The following TMEM255A variants were observed in gnomAD, a reference collection of about 807,000 sequenced individuals.
TMEM255A encodes family with sequence similarity 70, member A.
In TMEM255A, 14 loss-of-function variants were observed where a neutral mutation model predicts 23.5. The ratio of observed to expected loss-of-function variants is 0.60; its 90% CI spans 0.39 to 0.93. The LOEUF (loss-of-function observed/expected upper bound fraction) is 0.93, where lower values mean the gene tolerates loss of function less well. Ranked by LOEUF, TMEM255A falls within the 40% of genes least tolerant of loss-of-function variation. The probability of loss-of-function intolerance (pLI) is 0.00; values close to 1 mark genes in which losing one functional copy is unlikely to be tolerated. For missense variants in TMEM255A, 233 were observed against 261.7 expected (o/e 0.89, Z 0.76); for synonymous variants, 104 against 100.3 (o/e 1.04, Z -0.22).
downstream of TMEM255A, chrX:120,255,397 G>C: frequency 8.3e-7 from 1 of 1,208,583 alleles, no homozygotes; most frequent in Non-Finnish European, 1.1e-6. Context: ...ACAGATGGCA[G>C]TACTGAGTTT....
At chrX:120,301,438 T>C (rs2058033063) in intron 2 of TMEM255A, among the ~76,000 whole-genome samples, 1 of 112,144 alleles carries the variant, frequency 8.9e-6, no homozygotes, top group South Asian at 3.7e-4. Context: ...TATACATTAG[T>C]AATTTATATT....
At chrX:120,311,154 G>A in intron 1 of TMEM255A, 98 bp downstream of exon 1, 1 of 817,025 alleles carries the variant, frequency 1.2e-6, no homozygotes, top group Non-Finnish European at 1.8e-6. Flanking sequence ...CCCGTTTCCC[G>A]CTCTCCGGCT....
chrX:120,263,620 G>A (rs2057695137), intron 8 of TMEM255A, among the ~76,000 whole-genome samples: 1 of 111,632 alleles, frequency 9.0e-6, no homozygotes, highest in African/African-American at 3.3e-5. Flanking sequence ...ACTAGTTAAA[G>A]ACACTGTGTC....
intron 1 of TMEM255A, among the ~76,000 whole-genome samples, chrX:120,308,780 T>TG (rs1374649736): frequency 9.0e-6 from 1 of 111,476 alleles, no homozygotes; most frequent in African/African-American, 3.3e-5. Flanking sequence ...TGGGAGGGGA[T>TG]GGGGGGACAC....
Position 120,268,287 on chromosome X carries a change from T to C in TMEM255A, c.776A>G (p.His259Arg), listed in dbSNP as rs1556017950. ...PQVASYNTYYHSPPHLPPYSA... is the reference protein window; with the variant it reads ...PQVASYNTYYRSPPHLPPYSA... ...ATATGGTGGCAGGTGAGGAGGGCTA[T>C]GGTAGTAGGTATTGTAGGATGCCAC... The change falls in exon 8 of 9, where the codon CAT (histidine) becomes CGT (arginine). Residue 259 changes from histidine (H) to arginine (R), a missense_variant. His to Arg is a conservative substitution (Grantham distance 29). Transcript: ENST00000371369. The C allele has an allele frequency of 1.7e-6, 2 of 1,209,459 alleles. No homozygotes were observed. The highest frequency in any genetic ancestry group is 2.3e-4 in the Middle Eastern group (1 of 4,348).
chrX:120,287,249 G>A, intron 4 of TMEM255A, 27 bp from the exon 5 acceptor site: 1 of 1,165,376 alleles, frequency 8.6e-7, no homozygotes, highest in East Asian at 3.1e-5. Context: ...CAAAACAAAG[G>A]GGTTTTGACT....
intron 5 of TMEM255A, among the ~76,000 whole-genome samples, 159 bp downstream of exon 5, chrX:120,286,995 T>C (rs2057879907): frequency 8.9e-6 from 1 of 111,771 alleles, no homozygotes; most frequent in Admixed American, 9.5e-5. Flanking sequence ...CCTATGACCA[T>C]GGCCTCATTA....
At position 120,277,046 on chromosome X, in the gene TMEM255A, G is replaced by T. The variant is rs782218729; in HGVS notation, c.514C>A (p.Arg172=). 8.3e-7 allele frequency: 1 copy of T among 1,205,447 alleles called. No homozygotes were observed. The highest frequency in any genetic ancestry group is 1.1e-6 in the Non-Finnish European group (1 of 891,803). Residue 172 remains arginine, a splice_region_variant and synonymous_variant, in exon 7 of 9, where the codon CGG becomes AGG. Coordinates refer to ENST00000371369, the MANE Select transcript of TMEM255A (RefSeq NM_001104544.3). ...TAGTACCCACCAGTGATCTCCACCCGGCTGGACAGGGAGGAGCATGCTCCA... is the reference window on the plus strand; with the variant it reads ...TAGTACCCACCAGTGATCTCCACCCTGCTGGACAGGGAGGAGCATGCTCCA... ...FCCDLYNCGN[R]VEITGGYYEY...
chrX:120,303,839 T>C (rs1304449355), intron 2 of TMEM255A, among the ~76,000 whole-genome samples: 6 of 111,722 alleles, frequency 5.4e-5, no homozygotes, highest in South Asian at 3.7e-4. Context: ...ATAAGTTTTA[T>C]GAACATGTAT....
intron 7 of TMEM255A, among the ~76,000 whole-genome samples, chrX:120,271,457 C>A (rs1332085575): frequency 8.9e-6 from 1 of 111,905 alleles, no homozygotes; most frequent in Non-Finnish European, 1.9e-5. Context: ...AAGCACTTTG[C>A]AGAGGGTTAG....
chrX:120,304,891 A>G (rs1197310574), intron 1 of TMEM255A, among the ~76,000 whole-genome samples: 1 of 111,836 alleles, frequency 8.9e-6, no homozygotes, highest in Non-Finnish European at 1.9e-5. Context: ...AAAACATTTT[A>G]AAGCCAATAT....
chrX:120,288,097 G>A (rs1353150537), intron 4 of TMEM255A, among the ~76,000 whole-genome samples: 1 of 111,584 alleles, frequency 9.0e-6, no homozygotes, highest in Non-Finnish European at 1.9e-5. Context: ...ATTGACCTTG[G>A]GGTTTGGCAG....
chrX:120,285,958 C>T, intron 5 of TMEM255A: 2 of 1,132,911 alleles, frequency 1.8e-6, no homozygotes, highest in Non-Finnish European at 2.4e-6. Context: ...CTAAATTTGT[C>T]TTGCTTTGTT....
chrX:120,297,232 T>C (rs1173513032), intron 2 of TMEM255A, among the ~76,000 whole-genome samples: 1 of 81,110 alleles, frequency 1.2e-5, no homozygotes, highest in East Asian at 3.6e-4. Context: ...GCCCAATTCC[T>C]TAACCACTCT....
chrX:120,274,424 A>AT (rs1401489861), intron 7 of TMEM255A, among the ~76,000 whole-genome samples: 2 of 111,555 alleles, frequency 1.8e-5, no homozygotes, highest in East Asian at 2.8e-4. Flanking sequence ...TTCCACCTCA[A>AT]TTTTTTTTAA....
chrX:120,288,417 T>G (rs998343791), intron 4 of TMEM255A, among the ~76,000 whole-genome samples: 2 of 112,267 alleles, frequency 1.8e-5, no homozygotes, highest in Admixed American at 1.9e-4. Flanking sequence ...CTGGAAGGGC[T>G]TATTGTCCAT....
rs965843332 is a variant in TMEM255A at position 120,261,086 on chromosome X, T to G, written c.820-58A>C. ...AGTGAGTTTGCAATTCCCTGAACAG[T>G]CATTACTATTTAAAAATGAATATGG... On this transcript the variant is annotated intron_variant, in intron 8 of 8. Transcript: ENST00000371369. 53 of 1,141,238 alleles carry G rather than the reference T, an allele frequency of 4.6e-5. No individual in the cohort carries two copies. The East Asian group carries it at 8.4e-4, about 18-fold the overall frequency. The allele number at this position is 1,141,238 out of a possible 1,213,427, so 94.1% of individuals were successfully genotyped here. A position where few individuals can be genotyped will look rare whatever the true frequency, so the allele number is the denominator to read the frequency against.
chrX:120,298,234 C>T lies in TMEM255A; in HGVS notation c.202-4183G>A, dbSNP rs2058010237. ...TAGGACAAAGGCTAAAAAAATTAGTCATTAGGTAAATATTAATTGGACATC... is the reference window on the plus strand; with the variant it reads ...TAGGACAAAGGCTAAAAAAATTAGTTATTAGGTAAATATTAATTGGACATC... On this transcript the variant is annotated intron_variant, in intron 2 of 8. Transcript: ENST00000371369. 1.8e-5 allele frequency among the ~76,000 whole-genome samples: 2 copies of T among 110,935 alleles called. 1 individual carries two copies. Among genetic ancestry groups the T allele is most frequent in the Admixed American group, 1.9e-4 (2 of 10,460 alleles).
intron 7 of TMEM255A, among the ~76,000 whole-genome samples, chrX:120,268,953 C>T (rs1205803467): frequency 9.0e-6 from 1 of 111,351 alleles, no homozygotes; most frequent in East Asian, 2.8e-4. Context: ...AGAGTGTGTT[C>T]AATCACAAAG....
Sources: allele counts gnomAD v4.1 joint callset (sites outside exome capture counted in the v4.1 genomes callset), GRCh38; gene constraint gnomAD v4.1.1; transcripts MANE v1.5; gene names NCBI Gene and HGNC (gene_info 2026-07-23, HGNC 2026-07-21).